TBXT: variants seen among roughly 807,000 people sequenced by gnomAD.
The protein encoded by TBXT is T brachyury transcription factor.
A neutral mutation model predicts 41.1 loss-of-function variants in TBXT; 19 were observed. The observed-to-expected ratio is 0.46, with a 90% CI of 0.32 to 0.68. The LOEUF (loss-of-function observed/expected upper bound fraction) is 0.68, where lower values mean the gene tolerates loss of function less well. Among genes scored for constraint, TBXT ranks in the 30% least tolerant of loss-of-function variants. The pLI is 0.03. For synonymous variants in TBXT, 213 were observed against 238.9 expected (o/e 0.89, Z 1.00); for missense variants, 536 against 582.0 (o/e 0.92, Z 0.81).
chr6:166,164,739 A>T (rs960743811), intron 4 of TBXT, 61 bp downstream of exon 4: 109 of 1,610,692 alleles, frequency 6.8e-5, no homozygotes, highest in Non-Finnish European at 8.4e-5. Flanking sequence ...TATGTGCAGC[A>T]ATATTTCATC....
chr6:166,159,704 T>C (rs532642609), intron 7 of TBXT, among the ~76,000 whole-genome samples: 2 of 152,364 alleles, frequency 1.3e-5, no homozygotes, highest in African/African-American at 4.8e-5. Flanking sequence ...AATGAGACCT[T>C]ATGTTGTATC....
At chr6:166,167,241 A>C in intron 1 of TBXT, 145 bp downstream of exon 1, 1 of 941,510 alleles carries the variant, frequency 1.1e-6, no homozygotes, top group Non-Finnish European at 1.6e-6. Context: ...GTAGAAATGC[A>C]CTCGAGGGAG....
intron 5 of TBXT, 142 bp from the exon 6 acceptor site, chr6:166,162,765 G>A (rs1329853529): frequency 3.3e-6 from 2 of 611,492 alleles, no homozygotes; most frequent in African/African-American, 1.8e-5. Flanking sequence ...TCACTCCAGA[G>A]AGCAGAGCCC....
intron 1 of TBXT, 86 bp downstream of exon 1, chr6:166,167,300 G>T (rs1384660317): frequency 2.0e-6 from 3 of 1,497,608 alleles, no homozygotes; most frequent in Non-Finnish European, 2.8e-6. Flanking sequence ...GAGAAAAAGG[G>T]TTCGACCTCC....
Position 166,158,249 on chromosome 6 carries a change from A to G in TBXT, c.*66T>C. The G allele has an allele frequency of 1.2e-6, 2 of 1,613,374 alleles. No individual in the cohort carries two copies. The highest frequency in any genetic ancestry group is 8.5e-7 in the Non-Finnish European group (1 of 1,179,456). ...CTGCCACTGGGTACCTAGTAGGTCA[A>G]TCCAGTCACCACTGGCTGCCACGAC... On this transcript the variant is annotated 3_prime_UTR_variant, in exon 8 of 8. Coordinates refer to ENST00000366876, the MANE Select transcript of TBXT (RefSeq NM_001366285.2).
At chr6:166,168,185 C>G (rs1292647923), upstream of TBXT, 1 of 153,206 alleles carries the variant, frequency 6.5e-6, no homozygotes, top group African/African-American at 2.4e-5. Context: ...CCAGCCCGCC[C>G]CAGCCCGCCC....
At chr6:166,165,021 G>A (rs576334285) in intron 3 of TBXT, among the ~76,000 whole-genome samples, 160 bp from the exon 4 acceptor site, 4 of 152,042 alleles carry the variant, frequency 2.6e-5, no homozygotes, top group African/African-American at 9.7e-5. Context: ...GAAAATAGCT[G>A]AGTAATTGTA....
intron 5 of TBXT, among the ~76,000 whole-genome samples, chr6:166,163,148 A>C (rs1779009138): frequency 6.6e-6 from 1 of 152,122 alleles, no homozygotes; most frequent in African/African-American, 2.4e-5. Context: ...ATACAATGTA[A>C]CCACAGGCAG....
intron 6 of TBXT, 36 bp downstream of exon 6, chr6:166,162,411 C>T: frequency 1.2e-6 from 2 of 1,613,404 alleles, no homozygotes; most frequent in Non-Finnish European, 1.7e-6. Flanking sequence ...TTGCAGCCAC[C>T]CACCAACCCC....
At chr6:166,166,034 G>A (rs1181403637) in intron 2 of TBXT, among the ~76,000 whole-genome samples, 194 bp from the exon 3 acceptor site, 2 of 152,182 alleles carry the variant, frequency 1.3e-5, no homozygotes, top group East Asian at 1.9e-4. Context: ...TTGGAAAAGG[G>A]ATGTGAGATG....
intron 3 of TBXT, 48 bp from the exon 4 acceptor site, chr6:166,164,909 G>C (rs1779067850): frequency 1.3e-6 from 2 of 1,525,036 alleles, no homozygotes; most frequent in Non-Finnish European, 1.8e-6. Context: ...TATTAGCCAG[G>C]GGATTTAATT....
chr6:166,162,390 C>A, intron 6 of TBXT, 57 bp downstream of exon 6: 1 of 1,599,800 alleles, frequency 6.3e-7, no homozygotes, highest in Non-Finnish European at 8.6e-7. Context: ...AATGCCTTTC[C>A]CAAAGTGGTC....
Position 166,162,637 on chromosome 6 carries a change from CAG to C in TBXT, c.731-16_731-15del, listed in dbSNP as rs1778994665. 2 of 1,603,682 alleles carry C rather than the reference CAG, an allele frequency of 1.2e-6. No homozygotes were observed. Among genetic ancestry groups the C allele is most frequent in the East Asian group, 4.5e-5 (2 of 44,568 alleles). On this transcript the variant is annotated splice_polypyrimidine_tract_variant and intron_variant, in intron 5 of 7. Coordinates refer to ENST00000366876, the MANE Select transcript of TBXT (RefSeq NM_001366285.2). ...GCCACCCCCCTGCTGTGAGAAAAGA[CAG>C]TGCTGAGTAACCTGCATTAGTGCTC...
At chr6:166,162,346 C>G (rs964637325) in intron 6 of TBXT, 101 bp downstream of exon 6, 110 of 1,371,874 alleles carry the variant, frequency 8.0e-5, no homozygotes, top group Non-Finnish European at 1.1e-4. Flanking sequence ...TCCAGAAAAC[C>G]GTCTCCATTT....
At chr6:166,167,330 C>T (rs1779150053) in intron 1 of TBXT, 56 bp downstream of exon 1, 13 of 1,603,236 alleles carry the variant, frequency 8.1e-6, no homozygotes, top group Admixed American at 6.7e-5. Flanking sequence ...CCAGGTCCCC[C>T]AGGCTGCCCA....
chr6:166,165,693 C>T lies in TBXT; in HGVS notation c.606+13G>A. ...AGCACACCGGGAAAGCGATCCGCCT[C>T]TGTCCTTCTCACCTCCTCGTTCTGA... On this transcript the variant is annotated intron_variant, in intron 3 of 7. Coordinates refer to ENST00000366876, the MANE Select transcript of TBXT (RefSeq NM_001366285.2). 1 of 1,613,778 alleles carries T rather than the reference C, an allele frequency of 6.2e-7. No individual in the cohort carries two copies. Among genetic ancestry groups the T allele is most frequent in the Non-Finnish European group, 8.5e-7 (1 of 1,180,006 alleles).
intron 6 of TBXT, among the ~76,000 whole-genome samples, chr6:166,162,203 G>A (rs914491671): frequency 6.6e-6 from 1 of 152,254 alleles, no homozygotes; most frequent in African/African-American, 2.4e-5. Flanking sequence ...TGGAGCAGCA[G>A]CTCTGAGGCC....
Position 166,159,827 on chromosome 6 carries a change from G to A in TBXT, c.1037+1010C>T, listed in dbSNP as rs548830320. Among the ~76,000 whole-genome samples the A allele has an allele frequency of 4.6e-5, 7 of 152,298 alleles. No homozygotes were observed. The East Asian group carries it at 1.4e-3, about 29-fold the overall frequency. On this transcript the variant is annotated intron_variant, in intron 7 of 7. Coordinates refer to ENST00000366876, the MANE Select transcript of TBXT (RefSeq NM_001366285.2). ...ATTAGAGCCACACTGAGACCCTCGG[G>A]TGGGGCCTCTGTCAACAGCTTGCAG...
chr6:166,163,145 G>A (rs907653564), intron 5 of TBXT, among the ~76,000 whole-genome samples: 3 of 152,158 alleles, frequency 2.0e-5, no homozygotes, highest in African/African-American at 7.2e-5. Flanking sequence ...TGAATACAAT[G>A]TAACCACAGG....
Sources: allele counts gnomAD v4.1 joint callset (sites outside exome capture counted in the v4.1 genomes callset), GRCh38; gene constraint gnomAD v4.1.1; transcripts MANE v1.5; gene names NCBI Gene and HGNC (gene_info 2026-07-23, HGNC 2026-07-21).